The following CCDC85C variants were observed in gnomAD, a reference collection of about 807,000 sequenced individuals.
CCDC85C encodes the protein coiled-coil domain containing 85C.
A neutral mutation model predicts 38.3 loss-of-function variants in CCDC85C; 18 were observed. The ratio of observed to expected loss-of-function variants is 0.47; its 90% CI spans 0.33 to 0.70. The LOEUF (loss-of-function observed/expected upper bound fraction) is 0.70. Among genes scored for constraint, CCDC85C ranks in the 30% least tolerant of loss-of-function variants. The probability of loss-of-function intolerance (pLI) is 0.03; values close to 1 mark genes in which losing one functional copy is unlikely to be tolerated. For missense variants in CCDC85C, 566 were observed against 621.2 expected (o/e 0.91, Z 0.94); for synonymous variants, 264 against 293.8 (o/e 0.90, Z 1.04).
chr14:99,551,525 G>A (rs1037769094), intron 1 of CCDC85C, among the ~76,000 whole-genome samples: 12 of 151,404 alleles, frequency 7.9e-5, no homozygotes, highest in Non-Finnish European at 1.6e-4. Flanking sequence ...AGGTGAGTAC[G>A]TGAGTGTGCA....
At chr14:99,523,305 A>C (rs567730301) in intron 2 of CCDC85C, among the ~76,000 whole-genome samples, 63 of 152,128 alleles carry the variant, frequency 4.1e-4, no homozygotes, top group African/African-American at 1.4e-3. Flanking sequence ...GATCCCACAC[A>C]CACCCTGCTT....
chr14:99,534,719 G>T, intron 2 of CCDC85C: 2 of 702,416 alleles, frequency 2.8e-6, no homozygotes, highest in South Asian at 3.0e-5. Flanking sequence ...GCAATGGAAG[G>T]CTGGCGTCTA....
chr14:99,526,120 C>T (rs1897379032), intron 2 of CCDC85C, among the ~76,000 whole-genome samples: 1 of 152,324 alleles, frequency 6.6e-6, no homozygotes, highest in African/African-American at 2.4e-5. Flanking sequence ...CCAACACAGG[C>T]CTCCCCCAGC....
At chr14:99,602,977 G>A (rs2055219070) in intron 1 of CCDC85C, among the ~76,000 whole-genome samples, 190 bp downstream of exon 1, 1 of 152,100 alleles carries the variant, frequency 6.6e-6, no homozygotes, top group Admixed American at 6.5e-5. Flanking sequence ...CCACTGAACC[G>A]GCCCACCACC....
In CCDC85C at chr14:99,506,060, G is replaced by C. The variant is rs1023586103; in HGVS notation, c.*9186C>G. 2.0e-5 allele frequency: 3 copies of C among 152,572 alleles called. No homozygotes were observed. Among genetic ancestry groups the C allele is most frequent in the Admixed American group, 1.3e-4 (2 of 15,284 alleles). 9.5% of individuals were successfully genotyped at this position (152,572 alleles called of 1,614,324 possible). On this transcript the variant is annotated 3_prime_UTR_variant, in exon 6 of 6. Coordinates refer to ENST00000380243, the MANE Select transcript of CCDC85C (RefSeq NM_001144995.2). ...TAGAGTGTGAGGTGCTGATTGGTGG[G>C]TCTAGGGATGGGCCATGGTTTTGGT...
chr14:99,603,639 G>A lies in CCDC85C; in HGVS notation c.321C>T (p.Arg107=). The A allele has an allele frequency of 6.8e-7, 1 of 1,473,396 alleles. No homozygotes were observed. Among genetic ancestry groups the A allele is most frequent in the Non-Finnish European group, 9.0e-7 (1 of 1,113,234 alleles). The allele number at this position is 1,473,396 out of a possible 1,614,324, so 91.3% of individuals were successfully genotyped here. The change falls in exon 1 of 6, where the codon CGC becomes CGT. Residue 107 remains arginine (R), a synonymous_variant. Transcript: ENST00000380243. The surrounding 1 kb of genome is among the most constrained non-coding windows in gnomAD (Gnocchi z 7.5). ...CGGCGCCGGCCGCGTGGCGCCCGAA[G>A]CGCTGCCACTCGCGCGCCAGCTTGC... ...KGRKLAREWQ[R]FGRHAAGAVW...
At chr14:99,536,187 G>GACTCC in intron 1 of CCDC85C, 99 bp from the exon 2 acceptor site, 1 of 830,444 alleles carries the variant, frequency 1.2e-6, no homozygotes. Flanking sequence ...GAAGGTTTGG[G>GACTCC]TCTGAGGAGT....
In CCDC85C at chr14:99,507,557, G is replaced by C. The variant is rs766564982; in HGVS notation, c.*7689C>G. 5.9e-6 allele frequency: 1 copy of C among 170,274 alleles called. No individual in the cohort carries two copies. The highest frequency in any genetic ancestry group is 2.4e-5 in the African/African-American group (1 of 42,018). 10.5% of individuals were successfully genotyped at this position (170,274 alleles called of 1,614,324 possible). On this transcript the variant is annotated 3_prime_UTR_variant, in exon 6 of 6. Coordinates refer to ENST00000380243, the MANE Select transcript of CCDC85C (RefSeq NM_001144995.2). ...CTCCAGCCTGGGTGAGAGGGAGACC[G>C]TGTCTCAAAGTTCTGATTTTGACCA... is the stretch of plus-strand genomic sequence containing the variant.
rs889004270 is a variant in CCDC85C, at chr14:99,509,660, G to A, written c.*5586C>T. 1.2e-5 allele frequency: 2 copies of A among 167,142 alleles called. No individual in the cohort carries two copies. The highest frequency in any genetic ancestry group is 5.6e-5 in the Admixed American group (1 of 17,964). 10.4% of individuals were successfully genotyped at this position (167,142 alleles called of 1,614,324 possible). Reference sequence around the variant, plus strand: ...AGAATAGAACCTGAATTGCTGCTTCGATGGGTACACCGGGAATGTCAGAGA... The same window carrying A: ...AGAATAGAACCTGAATTGCTGCTTCAATGGGTACACCGGGAATGTCAGAGA... On this transcript the variant is annotated 3_prime_UTR_variant, in exon 6 of 6. Transcript: ENST00000380243.
chr14:99,510,236 C>T lies in CCDC85C; in HGVS notation c.*5010G>A, dbSNP rs777873456. On this transcript the variant is annotated 3_prime_UTR_variant, in exon 6 of 6. Coordinates refer to ENST00000380243, the MANE Select transcript of CCDC85C (RefSeq NM_001144995.2). ...TGGATGCCACTGACCTCCCCAAAGT[C>T]CAGATTCCCCCTCCGGCCCACCCGG... The T allele has an allele frequency of 2.3e-5, 36 of 1,593,924 alleles. No individual in the cohort carries two copies. Among genetic ancestry groups the T allele is most frequent in the Non-Finnish European group, 2.9e-5 (34 of 1,173,716 alleles).
At chr14:99,550,380 C>A (rs1196817278) in intron 1 of CCDC85C, among the ~76,000 whole-genome samples, 1 of 152,194 alleles carries the variant, frequency 6.6e-6, no homozygotes, top group Admixed American at 6.5e-5. Flanking sequence ...AGAAGCTGGA[C>A]AGACAGGGAA....
In CCDC85C at chr14:99,507,860, T is replaced by C. The variant is rs970075700; in HGVS notation, c.*7386A>G. 2.0e-5 allele frequency: 3 copies of C among 152,196 alleles called. No homozygotes were observed. Among genetic ancestry groups the C allele is most frequent in the African/African-American group, 4.8e-5 (2 of 41,414 alleles). 9.4% of individuals were successfully genotyped at this position (152,196 alleles called of 1,614,324 possible). The stretch of plus-strand genomic sequence containing the variant: ...TGAAAAGTTCTCAACAAGTAGTACA[T>C]GGTAAGCTGGAAAGCCTCTCTGATA... On this transcript the variant is annotated 3_prime_UTR_variant, in exon 6 of 6. Transcript: ENST00000380243.
At chr14:99,518,107 C>T (rs376626435) in intron 3 of CCDC85C, among the ~76,000 whole-genome samples, 3 of 152,292 alleles carry the variant, frequency 2.0e-5, no homozygotes, top group East Asian at 3.9e-4. Context: ...CTCCCAACGG[C>T]CTGGCAAGCT....
intron 2 of CCDC85C, among the ~76,000 whole-genome samples, chr14:99,525,629 T>C (rs12434158): frequency 0.88 from 133,581 of 152,340 alleles, 60,590 homozygotes; most frequent in East Asian, 1. Context: ...GGCACCACGC[T>C]GTGCCCCATC....
intron 1 of CCDC85C, among the ~76,000 whole-genome samples, chr14:99,560,801 T>C (rs1462297120): frequency 6.6e-6 from 1 of 152,182 alleles, no homozygotes; most frequent in Admixed American, 6.5e-5. Context: ...GGTTTGTTCA[T>C]CAACAGCCAC....
chr14:99,590,819 C>T (rs1481594190), intron 1 of CCDC85C, among the ~76,000 whole-genome samples: 1 of 152,178 alleles, frequency 6.6e-6, no homozygotes, highest in African/African-American at 2.4e-5. Context: ...CTGATGCCCC[C>T]CAACCCCCAA....
intron 1 of CCDC85C, among the ~76,000 whole-genome samples, chr14:99,598,103 G>A (rs1306011626): frequency 6.6e-6 from 1 of 152,310 alleles, no homozygotes; most frequent in South Asian, 2.1e-4. Flanking sequence ...GGTGCCGAGC[G>A]CTGCAGCGGG....
intron 1 of CCDC85C, among the ~76,000 whole-genome samples, chr14:99,563,053 T>G (rs1324015430): frequency 6.6e-6 from 1 of 152,204 alleles, no homozygotes; most frequent in Non-Finnish European, 1.5e-5. Context: ...ACCTAGTACA[T>G]AAAACGGCCT....
chr14:99,517,227 C>G (rs1217362404), intron 3 of CCDC85C, 44 bp from the exon 4 acceptor site: 2 of 1,440,560 alleles, frequency 1.4e-6, no homozygotes, highest in South Asian at 1.3e-5. Context: ...TGGCTGGCTC[C>G]CACAGGAATG....
Sources: gnomAD v4.1 joint callset for allele counts (sites outside exome capture counted in the v4.1 genomes callset) on GRCh38, gnomAD v4.1.1 for gene constraint, Gnocchi (gnomAD v3.1) non-coding constraint, MANE v1.5 for transcripts, NCBI Gene and HGNC (gene_info 2026-07-23, HGNC 2026-07-21) for gene names.